Variants in RNPC3 observed in about 807,000 individuals in gnomAD.
RNPC3 encodes RNA binding region (RNP1, RRM) containing 3, also known as RNA-binding region-containing protein 3.
RNPC3 carries 48 observed loss-of-function variants against 67.5 expected under a neutral mutation model. The ratio of observed to expected loss-of-function variants is 0.71; its 90% CI spans 0.56 to 0.90. The LOEUF is 0.90. Ranked by LOEUF, RNPC3 falls within the 40% of genes least tolerant of loss-of-function variation. The pLI is 0.00. For synonymous variants in RNPC3, 239 were observed against 210.3 expected (o/e 1.14, Z -1.18); for missense variants, 637 against 626.1 (o/e 1.02, Z -0.19).
intron 7 of RNPC3, 104 bp from the exon 8 acceptor site, chr1:103,541,246 T>A: frequency 2.5e-6 from 2 of 802,008 alleles, no homozygotes; most frequent in South Asian, 4.6e-5. Flanking sequence ...ATTTTATAAT[T>A]TAAATTATAC....
rs6697444 is a variant in RNPC3, at chr1:103,533,840, C to T, written c.342C>T (p.Gly114=). ...TTCACTCCCCATGTCCCACTTCAGG[C>T]TCTGAAAAAAAAAAAAGGTATGTAG... ...DRVHSPCPTS[G]SEKKKRSDDP... is the part of the protein sequence containing the mutation. Residue 114 remains glycine, a synonymous_variant, in exon 3 of 15, where the codon GGC becomes GGT. Coordinates refer to ENST00000423855, the MANE Select transcript of RNPC3 (RefSeq NM_017619.4). The T allele has an allele frequency of 0.62, 928,880 of 1,486,928 alleles. 294,043 individuals carry two copies. Among genetic ancestry groups the T allele is most frequent in the Middle Eastern group, 0.73 (4,281 of 5,860 alleles). The allele number at this position is 1,486,928 out of a possible 1,614,324, so 92.1% of individuals were successfully genotyped here.
chr1:103,545,054 G>A lies in RNPC3; in HGVS notation c.1159G>A (p.Glu387Lys). The A allele has an allele frequency of 2.0e-6, 3 of 1,534,260 alleles. No individual in the cohort carries two copies. Among genetic ancestry groups the A allele is most frequent in the Non-Finnish European group, 2.6e-6 (3 of 1,145,188 alleles). The change falls in exon 10 of 15, where the codon GAA becomes AAA. Residue 387 changes from glutamate (E) to lysine (K), a missense_variant. Physicochemically the swap from Glu to Lys is moderately conservative, Grantham distance 56. This residue lies in a region of RNPC3 where 536 missense variants were observed against 500.3 expected (regional missense o/e 1.07). Coordinates refer to ENST00000423855, the MANE Select transcript of RNPC3 (RefSeq NM_017619.4). ...IKEDSDEMPS[E>K]CISRRELEKG... ...AGAAGACTCTGATGAAATGCCTTCA[G>A]AATGTATTTCTAGAAGGGAATTGGA...
chr1:103,546,667 T>G, intron 11 of RNPC3: 1 of 327,944 alleles, frequency 3.0e-6, no homozygotes. Context: ...GATTGGTTCA[T>G]TCTGAGGGCT....
At chr1:103,526,893 G>T (rs547879346) in intron 1 of RNPC3, among the ~76,000 whole-genome samples, 16 of 152,232 alleles carry the variant, frequency 1.1e-4, no homozygotes, top group East Asian at 1.9e-4. Flanking sequence ...TAGCGATGGT[G>T]CAAGACTCAG....
At chr1:103,550,149 G>T (rs768631762) in intron 12 of RNPC3, among the ~76,000 whole-genome samples, 22 of 151,998 alleles carry the variant, frequency 1.4e-4, no homozygotes, top group Non-Finnish European at 1.2e-4. Flanking sequence ...GGGCAACCAA[G>T]CAGGACTCTG....
At chr1:103,551,897 T>C in intron 14 of RNPC3, 105 bp downstream of exon 14, 1 of 624,392 alleles carries the variant, frequency 1.6e-6, no homozygotes, top group East Asian at 3.1e-5. Flanking sequence ...TTTTTTTTTT[T>C]TTTGAGGAAA....
At chr1:103,535,004 T>C in intron 4 of RNPC3, 147 bp downstream of exon 4, 1 of 540,584 alleles carries the variant, frequency 1.8e-6, no homozygotes, top group Non-Finnish European at 3.2e-6. Flanking sequence ...AGATATCTTA[T>C]TGCAAATAAG....
intron 3 of RNPC3, 111 bp downstream of exon 3, chr1:103,533,968 G>C (rs1290095571): frequency 2.0e-5 from 13 of 656,214 alleles, no homozygotes; most frequent in Non-Finnish European, 1.1e-5. Context: ...AATTGGAAGA[G>C]GAATGACAGA....
Position 103,525,903 on chromosome 1 carries a change from T to A in RNPC3, c.-168T>A. ...CGAAGAGTCTTCGAAGGGTTGCCGC[T>A]TTTCGGTGGCGCAGTTCTCGCGAGA... On this transcript the variant is annotated 5_prime_UTR_variant, in exon 1 of 15. Coordinates refer to ENST00000423855, the MANE Select transcript of RNPC3 (RefSeq NM_017619.4). The A allele has an allele frequency of 3.3e-6, 2 of 611,340 alleles. No individual in the cohort carries two copies. The highest frequency in any genetic ancestry group is 2.1e-5 in the South Asian group (1 of 48,340). The allele number at this position is 611,340 out of a possible 1,614,324, so 37.9% of individuals were successfully genotyped here.
At chr1:103,547,651 T>G (rs997956988) in intron 12 of RNPC3, among the ~76,000 whole-genome samples, 3 of 152,244 alleles carry the variant, frequency 2.0e-5, no homozygotes, top group Admixed American at 1.3e-4. Flanking sequence ...TTTTAGATTC[T>G]TATTCTGACA....
chr1:103,526,179 G>T lies in RNPC3; in HGVS notation c.109G>T (p.Glu37Ter). ...CCTTCTGGTCAGGCACCTGCCGGCT[G>T]AGCTTACTGCTGAGGAGAAAGAGGA... ...RTLLVRHLPA[E>*]LTAEEKEDLL... is the part of the protein sequence containing the mutation. Residue 37 changes from glutamate (E) to a stop codon, truncating the protein, a stop_gained, in exon 1 of 15, where the codon GAG (glutamate) becomes TAG (stop). Coordinates refer to ENST00000423855, the MANE Select transcript of RNPC3 (RefSeq NM_017619.4). LOFTEE classifies it high-confidence loss of function. 1 of 1,551,558 alleles carries T rather than the reference G, an allele frequency of 6.4e-7. No individual in the cohort carries two copies. Among genetic ancestry groups the T allele is most frequent in the Non-Finnish European group, 8.7e-7 (1 of 1,146,926 alleles).
chr1:103,530,797 G>A (rs541000283), intron 2 of RNPC3, among the ~76,000 whole-genome samples: 7 of 152,162 alleles, frequency 4.6e-5, no homozygotes, highest in African/African-American at 9.6e-5. Flanking sequence ...AGTGGTTAGC[G>A]GTGATTAGAT....
intron 7 of RNPC3, among the ~76,000 whole-genome samples, chr1:103,540,331 C>T (rs933772257): frequency 2.0e-5 from 3 of 152,162 alleles, no homozygotes; most frequent in Admixed American, 6.5e-5. Context: ...AGAGATCTCA[C>T]GTATATGCAA....
At chr1:103,554,439 T>G (rs996441568) in intron 14 of RNPC3, 6 of 152,444 alleles carry the variant, frequency 3.9e-5, no homozygotes, top group Non-Finnish European at 7.3e-5. Flanking sequence ...GTAGCACAGA[T>G]GTTGGAATAA....
intron 5 of RNPC3, among the ~76,000 whole-genome samples, chr1:103,535,787 G>A (rs1367033948): frequency 6.6e-6 from 1 of 151,972 alleles, no homozygotes; most frequent in East Asian, 1.9e-4. Context: ...GAAGTACAAA[G>A]TATAGATGAT....
chr1:103,543,144 A>T (rs1252540945), intron 8 of RNPC3, among the ~76,000 whole-genome samples, 152 bp from the exon 9 acceptor site: 2 of 151,884 alleles, frequency 1.3e-5, no homozygotes, highest in Non-Finnish European at 3.0e-5. Flanking sequence ...TATTAAACTA[A>T]TAAGTCTAAG....
intron 9 of RNPC3, among the ~76,000 whole-genome samples, chr1:103,543,782 T>C (rs995831704): frequency 6.6e-6 from 1 of 151,742 alleles, no homozygotes; most frequent in African/African-American, 2.4e-5. Flanking sequence ...GTTTTATTAG[T>C]GTAACTATAT....
At chr1:103,548,366 T>C (rs1651298151) in intron 12 of RNPC3, among the ~76,000 whole-genome samples, 1 of 152,208 alleles carries the variant, frequency 6.6e-6, no homozygotes, top group Non-Finnish European at 1.5e-5. Flanking sequence ...TCTTGAATGC[T>C]TTGCTGCTTA....
chr1:103,541,004 C>T (rs1651111796), intron 7 of RNPC3, among the ~76,000 whole-genome samples: 1 of 151,958 alleles, frequency 6.6e-6, no homozygotes, highest in South Asian at 2.1e-4. Flanking sequence ...AATATTATAT[C>T]GATTTTATTA....
Sources: allele counts gnomAD v4.1 joint callset (sites outside exome capture counted in the v4.1 genomes callset), GRCh38; gene constraint gnomAD v4.1.1; regional missense constraint gnomAD v4.1.1; transcripts MANE v1.5; gene names NCBI Gene and HGNC (gene_info 2026-07-23, HGNC 2026-07-21).